Variants in RAB3GAP1 observed in about 807,000 individuals in gnomAD.
The protein encoded by RAB3GAP1 is rab3 GTPase-activating protein catalytic subunit.
Under a neutral mutation model 130.7 loss-of-function variants are expected in RAB3GAP1, and 86 were observed. That is an observed-to-expected ratio of 0.66 (90% CI 0.55 to 0.79). The LOEUF (loss-of-function observed/expected upper bound fraction) is 0.79, where lower values mean the gene tolerates loss of function less well. Ranked by LOEUF, RAB3GAP1 falls within the 30% of genes least tolerant of loss-of-function variation. RAB3GAP1 has a pLI of 0.00. For synonymous variants in RAB3GAP1, 367 were observed against 401.7 expected, an observed-to-expected ratio of 0.91 and a Z score of 1.03; for missense variants, 1,029 against 1,169.4, an observed-to-expected ratio of 0.88 and a Z score of 1.75.
intron 5 of RAB3GAP1, among the ~76,000 whole-genome samples, chr2:135,105,649 G>A (rs931461000): frequency 6.6e-6 from 1 of 152,086 alleles, no homozygotes; most frequent in Non-Finnish European, 1.5e-5. Flanking sequence ...CTGCCCGGCC[G>A]CCACCCCATC....
At chr2:135,112,678 T>G (rs1356221862) in intron 5 of RAB3GAP1, among the ~76,000 whole-genome samples, 7 of 152,152 alleles carry the variant, frequency 4.6e-5, no homozygotes, top group Admixed American at 3.9e-4. Flanking sequence ...GCTGTTGACC[T>G]TTTTTTCTCA....
At chr2:135,096,134 CTTTA>C in intron 5 of RAB3GAP1, among the ~76,000 whole-genome samples, 1 of 152,220 alleles carries the variant, frequency 6.6e-6, no homozygotes, top group East Asian at 1.9e-4. Flanking sequence ...TGTCTGTGAA[CTTTA>C]TTTATTTTGG....
intron 13 of RAB3GAP1, 152 bp from the exon 14 acceptor site, chr2:135,132,743 G>A (rs1691583372): frequency 5.0e-6 from 3 of 594,662 alleles, no homozygotes; most frequent in Admixed American, 5.6e-5. Flanking sequence ...AAATTTGAGA[G>A]TGTAGAACAA....
chr2:135,079,228 C>T (rs1173103436), intron 3 of RAB3GAP1, among the ~76,000 whole-genome samples: 1 of 152,118 alleles, frequency 6.6e-6, no homozygotes, highest in African/African-American at 2.4e-5. Flanking sequence ...TCCAGTGATC[C>T]TCCCATCTTG....
intron 24 of RAB3GAP1, among the ~76,000 whole-genome samples, chr2:135,176,003 A>G (rs1268101772): frequency 1.3e-5 from 2 of 152,204 alleles, no homozygotes; most frequent in East Asian, 3.9e-4. Flanking sequence ...AAGGTACCAC[A>G]AAGATGTCCA....
At chr2:135,053,201 TC>T (rs2104814756) in intron 2 of RAB3GAP1, among the ~76,000 whole-genome samples, 1 of 152,332 alleles carries the variant, frequency 6.6e-6, no homozygotes, top group African/African-American at 2.4e-5. Context: ...AGTCTTGAAC[TC>T]CTGGGCTCAA....
intron 4 of RAB3GAP1, 28 bp downstream of exon 4, chr2:135,091,158 A>T: frequency 6.5e-7 from 1 of 1,529,546 alleles, no homozygotes; most frequent in Non-Finnish European, 9.0e-7. Context: ...AATAATATTA[A>T]CTTCTGATTT....
chr2:135,140,676 G>GCTTCCC (rs1691812791), intron 17 of RAB3GAP1, among the ~76,000 whole-genome samples: 3 of 152,382 alleles, frequency 2.0e-5, no homozygotes, highest in South Asian at 2.1e-4. Flanking sequence ...AGGCACAGCA[G>GCTTCCC]TGGGAGTTAT....
rs1277254399 is a variant in RAB3GAP1, at chr2:135,135,912, C to G, written c.1903C>G (p.Leu635Val). ...TACACTGCTGCATAATGGAGAACCT[C>G]TCTACATTCCAGTAACCCAGGTAGG... is the stretch of plus-strand genomic sequence containing the variant. ...KLTLLHNGEPLYIPVTQEPAP... is the reference protein window; with the variant it reads ...KLTLLHNGEPVYIPVTQEPAP... Residue 635 changes from leucine (L) to valine (V), a missense_variant, in exon 17 of 24, where the codon CTC (leucine) becomes GTC (valine). Physicochemically the swap from Leu to Val is conservative, Grantham distance 32. Transcript: ENST00000264158. 6 of 1,613,904 alleles carry G rather than the reference C, an allele frequency of 3.7e-6. No homozygotes were observed. Among genetic ancestry groups the G allele is most frequent in the Non-Finnish European group, 5.1e-6 (6 of 1,179,854 alleles).
intron 23 of RAB3GAP1, among the ~76,000 whole-genome samples, chr2:135,165,734 C>T (rs981911238): frequency 6.6e-6 from 1 of 152,098 alleles, no homozygotes; most frequent in Non-Finnish European, 1.5e-5. Flanking sequence ...GTTTTTCTCT[C>T]TGGCATGAAA....
chr2:135,102,493 G>A (rs1176891111), intron 5 of RAB3GAP1, among the ~76,000 whole-genome samples: 1 of 152,190 alleles, frequency 6.6e-6, no homozygotes, highest in African/African-American at 2.4e-5. Flanking sequence ...GAAAGTAACA[G>A]CATGAAAGCT....
chr2:135,117,793 C>CTTCTTCTTCTTCTTTCTTCTTCT (rs1558784868), intron 7 of RAB3GAP1, among the ~76,000 whole-genome samples: 5 of 149,732 alleles, frequency 3.3e-5, no homozygotes, highest in African/African-American at 1.3e-4. Context: ...TCTGCTTCTT[C>CTTCTTCTTCTTCTTTCTTCTTCT]TTCTTCTTCT....
chr2:135,161,496 A>G (rs915205467), intron 19 of RAB3GAP1, among the ~76,000 whole-genome samples: 2 of 152,204 alleles, frequency 1.3e-5, no homozygotes, highest in Non-Finnish European at 2.9e-5. Flanking sequence ...ACATATGTGA[A>G]AAAAACCATA....
In RAB3GAP1 at chr2:135,113,029, C is replaced by T. The variant is rs1057446084; in HGVS notation, c.363-122C>T. On this transcript the variant is annotated intron_variant, in intron 5 of 23. Coordinates refer to ENST00000264158, the MANE Select transcript of RAB3GAP1 (RefSeq NM_012233.3). ...TAGGTTCTGTTGCCATTAAAAGAAACACTTTTAGTTTAAACCTGACTTGTT... is the reference window on the plus strand; with the variant it reads ...TAGGTTCTGTTGCCATTAAAAGAAATACTTTTAGTTTAAACCTGACTTGTT... The T allele has an allele frequency of 1.3e-5, 18 of 1,355,992 alleles. No individual in the cohort carries two copies. The African/African-American group carries it at 1.4e-4, about 11-fold the overall frequency. The allele number at this position is 1,355,992 out of a possible 1,614,324, so 84.0% of individuals were successfully genotyped here. A position where few individuals can be genotyped will look rare whatever the true frequency, so the allele number is the denominator to read the frequency against.
chr2:135,129,019 T>C (rs1324092766), intron 11 of RAB3GAP1, among the ~76,000 whole-genome samples: 2 of 152,204 alleles, frequency 1.3e-5, no homozygotes, highest in Non-Finnish European at 2.9e-5. Context: ...GGCATGGTGA[T>C]GCACACATGT....
chr2:135,069,944 T>A (rs550284552), intron 3 of RAB3GAP1, among the ~76,000 whole-genome samples: 2 of 152,274 alleles, frequency 1.3e-5, no homozygotes, highest in East Asian at 3.9e-4. Context: ...TCAGAAAGAG[T>A]CATTTAAAAT....
At chr2:135,091,672 C>T (rs897875932) in intron 4 of RAB3GAP1, among the ~76,000 whole-genome samples, 1 of 152,066 alleles carries the variant, frequency 6.6e-6, no homozygotes, top group African/African-American at 2.4e-5. Flanking sequence ...TGAGTTATCT[C>T]AGTTGTAAAA....
chr2:135,143,912 T>C (rs1253562305), intron 17 of RAB3GAP1, among the ~76,000 whole-genome samples: 4 of 152,246 alleles, frequency 2.6e-5, no homozygotes, highest in Non-Finnish European at 5.9e-5. Flanking sequence ...TTCCTGAATA[T>C]GTTCTCTTAA....
intron 3 of RAB3GAP1, chr2:135,059,107 A>G (rs1689098413): frequency 6.6e-6 from 1 of 152,098 alleles, no homozygotes; most frequent in South Asian, 2.1e-4. Flanking sequence ...AAGTAAGACC[A>G]CATATAAAAA....
Sources: gnomAD v4.1 joint callset for allele counts (sites outside exome capture counted in the v4.1 genomes callset) on GRCh38, gnomAD v4.1.1 for gene constraint, MANE v1.5 for transcripts, NCBI Gene and HGNC (gene_info 2026-07-23, HGNC 2026-07-21) for gene names.